DNMT3B: variants seen among roughly 807,000 people sequenced by gnomAD.
The protein encoded by DNMT3B is DNA methyltransferase 3 beta.
DNMT3B carries 37 observed loss-of-function variants against 120.2 expected under a neutral mutation model. The observed-to-expected ratio is 0.31, with a 90% CI of 0.24 to 0.40. The LOEUF is 0.40. Among genes scored for constraint, DNMT3B ranks in the 10% least tolerant of loss-of-function variants. DNMT3B has a pLI of 1.00. For synonymous variants in DNMT3B, 412 were observed against 442.8 expected, an observed-to-expected ratio of 0.93 and a Z score of 0.87; for missense variants, 878 against 1,137.3, an observed-to-expected ratio of 0.77 and a Z score of 3.28.
At chr20:32,776,153 C>T (rs1349407450) in intron 1 of DNMT3B, among the ~76,000 whole-genome samples, 1 of 151,714 alleles carries the variant, frequency 6.6e-6, no homozygotes, top group South Asian at 2.1e-4. Context: ...CGCTTGAACC[C>T]GGGAGGTGGA....
intron 10 of DNMT3B, among the ~76,000 whole-genome samples, chr20:32,794,780 A>C (rs1980411174): frequency 6.6e-6 from 1 of 152,212 alleles, no homozygotes; most frequent in African/African-American, 2.4e-5. Flanking sequence ...TCAAAATTTC[A>C]CTTATTTTAT....
chr20:32,785,088 G>A (rs535814884), intron 4 of DNMT3B, among the ~76,000 whole-genome samples: 29 of 151,038 alleles, frequency 1.9e-4, no homozygotes, highest in African/African-American at 5.6e-4. Context: ...CCAGGCTGGC[G>A]TGCAATGGCG....
At position 32,792,198 on chromosome 20, in the gene DNMT3B, T is replaced by C. The variant is rs183867925; in HGVS notation, c.922-428T>C. 2.2e-4 allele frequency among the ~76,000 whole-genome samples: 33 copies of C among 152,332 alleles called. 1 individual carries two copies. The East Asian group carries it at 6.2e-3, about 28-fold the overall frequency. On this transcript the variant is annotated intron_variant, in intron 8 of 22. Coordinates refer to ENST00000328111, the MANE Select transcript of DNMT3B (RefSeq NM_006892.4). Reference sequence around the variant, plus strand: ...AGGCTTCATTAGACACTGAAATCCTTGGTCCTTCATGTAGGACACAAGTTA... The same window carrying C: ...AGGCTTCATTAGACACTGAAATCCTCGGTCCTTCATGTAGGACACAAGTTA...
intron 3 of DNMT3B, among the ~76,000 whole-genome samples, chr20:32,783,476 G>A (rs1311318727): frequency 6.6e-6 from 1 of 151,710 alleles, no homozygotes; most frequent in African/African-American, 2.4e-5. Flanking sequence ...TCTTAGTAGA[G>A]TTTGTCAATT....
chr20:32,773,648 G>A (rs1314170655), intron 1 of DNMT3B, among the ~76,000 whole-genome samples: 1 of 146,130 alleles, frequency 6.8e-6, no homozygotes, highest in Non-Finnish European at 1.5e-5. Flanking sequence ...GTCTTGTGCT[G>A]TCACTGGGCC....
chr20:32,775,149 C>T (rs556454310), intron 1 of DNMT3B, among the ~76,000 whole-genome samples: 2 of 152,334 alleles, frequency 1.3e-5, no homozygotes, highest in South Asian at 4.1e-4. Context: ...TGAGCCACTG[C>T]ACCTGGCCCT....
intron 14 of DNMT3B, among the ~76,000 whole-genome samples, chr20:32,797,527 C>T (rs920248982): frequency 2.0e-5 from 3 of 152,210 alleles, no homozygotes; most frequent in Admixed American, 6.5e-5. Flanking sequence ...GACAGGGTCT[C>T]CCTGTGTTGC....
chr20:32,805,176 G>T (rs1425703264), intron 20 of DNMT3B, among the ~76,000 whole-genome samples, 162 bp from the exon 21 acceptor site: 1 of 152,098 alleles, frequency 6.6e-6, no homozygotes, highest in Non-Finnish European at 1.5e-5. Flanking sequence ...CTTGGCTTTG[G>T]CACACAGGCT....
rs774161336 is a variant in DNMT3B, at chr20:32,802,485, T to C, written c.2231+15T>C. 1.2e-6 allele frequency: 2 copies of C among 1,613,592 alleles called. No individual in the cohort carries two copies. The highest frequency in any genetic ancestry group is 2.7e-5 in the African/African-American group (2 of 75,050). ...GGGATGAACAGGTAACAAAGGGCTC[T>C]TAGTGGGTCAGGTAACAGCCAAGTT... On this transcript the variant is annotated intron_variant, in intron 20 of 22. Coordinates refer to ENST00000328111, the MANE Select transcript of DNMT3B (RefSeq NM_006892.4).
rs562519567 is a variant in DNMT3B, at chr20:32,799,379, G to A, written c.1759+51G>A. On this transcript the variant is annotated intron_variant, in intron 16 of 22. Transcript: ENST00000328111. Reference sequence around the variant, plus strand: ...ACTGCTATCGTGTCACAACAGGGTAGCCAGGGAGTCAGAAGGCATGGTTAA... The same window carrying A: ...ACTGCTATCGTGTCACAACAGGGTAACCAGGGAGTCAGAAGGCATGGTTAA... The A allele has an allele frequency of 3.7e-5, 58 of 1,584,638 alleles. No individual in the cohort carries two copies. In the East Asian group the frequency reaches 1.2e-3, roughly 32 times the overall value.
Position 32,796,883 on chromosome 20 carries a change from C to G in DNMT3B, c.1377+14C>G. 6.2e-7 allele frequency: 1 copy of G among 1,614,184 alleles called. No homozygotes were observed. Among genetic ancestry groups the G allele is most frequent in the Non-Finnish European group, 8.5e-7 (1 of 1,180,010 alleles). The stretch of plus-strand genomic sequence containing the variant: ...CAGACATGCCGGGTAAGTCCTCCTA[C>G]TACTGCCCTGGACCTTCCTCCCCTT... On this transcript the variant is annotated intron_variant, in intron 13 of 22. Transcript: ENST00000328111.
intron 8 of DNMT3B, 112 bp from the exon 9 acceptor site, chr20:32,792,514 A>C (rs1980093627): frequency 6.3e-7 from 1 of 1,579,798 alleles, no homozygotes; most frequent in African/African-American, 1.3e-5. Context: ...TCTGGCTATG[A>C]AAGGGCCCAG....
At position 32,762,529 on chromosome 20, in the gene DNMT3B, G is replaced by A; in HGVS notation, c.-177G>A. ...GGCGGTCGGGCGAGCGGGCGGCAAC[G>A]CTGCCCGGCCGGCAGCGCTGGGGTT... On this transcript the variant is annotated 5_prime_UTR_variant, in exon 1 of 23. Coordinates refer to ENST00000328111, the MANE Select transcript of DNMT3B (RefSeq NM_006892.4). The A allele has an allele frequency of 9.2e-6, 3 of 325,686 alleles. No homozygotes were observed. Among genetic ancestry groups the A allele is most frequent in the South Asian group, 4.7e-5 (2 of 42,598 alleles). 20.2% of individuals were successfully genotyped at this position (325,686 alleles called of 1,614,324 possible).
intron 6 of DNMT3B, among the ~76,000 whole-genome samples, chr20:32,788,582 G>A (rs976263082): frequency 1.3e-5 from 2 of 151,642 alleles, no homozygotes; most frequent in East Asian, 1.9e-4. Flanking sequence ...GACTACAGGC[G>A]TGCACCACCA....
At chr20:32,770,984 A>G (rs994557961) in intron 1 of DNMT3B, among the ~76,000 whole-genome samples, 3 of 152,014 alleles carry the variant, frequency 2.0e-5, no homozygotes, top group Non-Finnish European at 4.4e-5. Flanking sequence ...GGCTCAAGCA[A>G]TCCTCCTGCC....
chr20:32,802,318 C>A, intron 19 of DNMT3B, 67 bp from the exon 20 acceptor site: 1 of 1,540,090 alleles, frequency 6.5e-7, no homozygotes, highest in Non-Finnish European at 9.0e-7. Context: ...CTGTCACCTG[C>A]AAAGGTCTGG....
intron 1 of DNMT3B, among the ~76,000 whole-genome samples, chr20:32,767,719 C>T (rs1179064521): frequency 6.6e-6 from 1 of 152,212 alleles, no homozygotes; most frequent in Non-Finnish European, 1.5e-5. Flanking sequence ...CAGGTGTGAG[C>T]CTGTGCGCCC....
chr20:32,779,740 C>G (rs1978349928), intron 1 of DNMT3B: 1 of 326,604 alleles, frequency 3.1e-6, no homozygotes, highest in Non-Finnish European at 5.6e-6. Context: ...GCCAGCAGAC[C>G]AATGGGCCCT....
Position 32,795,713 on chromosome 20 carries a change from C to T in DNMT3B, c.1297+19C>T. On this transcript the variant is annotated intron_variant, in intron 12 of 22. Transcript: ENST00000328111. Reference sequence around the variant, plus strand: ...CTGGAAGGTAACGTTCTCTCCCTCCCAGTCATCCCCCTCACACCCTGGCTA... The same window carrying T: ...CTGGAAGGTAACGTTCTCTCCCTCCTAGTCATCCCCCTCACACCCTGGCTA... The T allele has an allele frequency of 1.2e-6, 2 of 1,613,978 alleles. No homozygotes were observed.
Sources: gnomAD v4.1 joint callset for allele counts (sites outside exome capture counted in the v4.1 genomes callset) on GRCh38, gnomAD v4.1.1 for gene constraint, MANE v1.5 for transcripts, NCBI Gene and HGNC (gene_info 2026-07-23, HGNC 2026-07-21) for gene names.